TBCK: variants seen among roughly 807,000 people sequenced by gnomAD.
TBCK encodes the protein TBC1 domain containing kinase, also known as TBC domain-containing protein kinase-like protein.
TBCK carries 99 observed loss-of-function variants against 113.4 expected under a neutral mutation model. The observed-to-expected ratio is 0.87, with a 90% CI of 0.74 to 1.03. The LOEUF (loss-of-function observed/expected upper bound fraction) is 1.03. Among genes scored for constraint, TBCK ranks in the 50% least tolerant of loss-of-function variants. The probability of loss-of-function intolerance (pLI) is 0.00; values close to 1 mark genes in which losing one functional copy is unlikely to be tolerated. For synonymous variants in TBCK, 369 were observed against 370.8 expected, an observed-to-expected ratio of 1.00 and a Z score of 0.05; for missense variants, 1,045 against 1,061.3, an observed-to-expected ratio of 0.98 and a Z score of 0.21.
chr4:106,291,752 T>C (rs1199864450), intron 3 of TBCK, among the ~76,000 whole-genome samples: 8 of 152,196 alleles, frequency 5.3e-5, no homozygotes, highest in Admixed American at 4.6e-4. Flanking sequence ...GCTAAAGACA[T>C]CTGTCATGAA....
At chr4:106,091,451 G>C (rs1740222112) in intron 25 of TBCK, among the ~76,000 whole-genome samples, 1 of 152,182 alleles carries the variant, frequency 6.6e-6, no homozygotes, top group Non-Finnish European at 1.5e-5. Context: ...GGACCCTTGT[G>C]GTGAGTGTTA....
intron 2 of TBCK, 144 bp downstream of exon 2, chr4:106,308,624 C>G (rs1767800545): frequency 1.4e-6 from 1 of 727,826 alleles, no homozygotes; most frequent in African/African-American, 1.8e-5. Flanking sequence ...GAGAGAGAGG[C>G]AGGGTGGGGG....
intron 23 of TBCK, among the ~76,000 whole-genome samples, chr4:106,162,622 T>C (rs10027207): frequency 0.4 from 60,866 of 152,036 alleles, 12,475 homozygotes; most frequent in African/African-American, 0.47. Context: ...AACCTCGATT[T>C]TTGACTTCTA....
Position 106,154,313 on chromosome 4 carries a change from T to C in TBCK, c.2235+16782A>G, listed in dbSNP as rs76228931. Among the ~76,000 whole-genome samples, 205 of 152,294 alleles carry C rather than the reference T, an allele frequency of 1.3e-3. 6 individuals are homozygous for C. The East Asian group carries it at 0.034, about 25-fold the overall frequency. On this transcript the variant is annotated intron_variant, in intron 23 of 25. Transcript: ENST00000394708. ...GCTGATAATATTAACACTGTTTGCA[T>C]AGAACAAATGAACAAGCAAAAAGAA...
chr4:106,174,705 T>C lies in TBCK; in HGVS notation c.2060-3435A>G, dbSNP rs750029411. Among the ~76,000 whole-genome samples, 45 of 152,268 alleles carry C rather than the reference T, an allele frequency of 3.0e-4. 1 individual carries two copies. Among genetic ancestry groups the C allele is most frequent in the Middle Eastern group, 6.8e-3 (2 of 294 alleles). On this transcript the variant is annotated intron_variant, in intron 22 of 25. Transcript: ENST00000394708. ...AGAATCTTGAACTTCCTGAATTTAA[T>C]TTCTAATAATTTTGTCATTTTGTTC...
chr4:106,244,156 T>C (rs899400340), intron 11 of TBCK, among the ~76,000 whole-genome samples: 1 of 152,196 alleles, frequency 6.6e-6, no homozygotes, highest in Non-Finnish European at 1.5e-5. Context: ...TAGGCAGATT[T>C]TTTTGCAACA....
intron 23 of TBCK, among the ~76,000 whole-genome samples, chr4:106,157,310 G>A (rs992987562): frequency 6.6e-6 from 1 of 152,098 alleles, no homozygotes; most frequent in South Asian, 2.1e-4. Flanking sequence ...GCCTGGGTTT[G>A]GGGTAGGGGT....
chr4:106,311,741 A>G (rs537906109), intron 1 of TBCK, among the ~76,000 whole-genome samples: 1 of 152,212 alleles, frequency 6.6e-6, no homozygotes, highest in African/African-American at 2.4e-5. Flanking sequence ...TTATCTACAT[A>G]TGTGTGTGTT....
intron 23 of TBCK, among the ~76,000 whole-genome samples, chr4:106,125,891 G>C (rs1433887772): frequency 1.3e-5 from 2 of 152,142 alleles, no homozygotes; most frequent in Non-Finnish European, 2.9e-5. Context: ...TTTCAAAAGA[G>C]CTAGATTTGA....
At chr4:106,133,449 G>C (rs1207818531) in intron 23 of TBCK, among the ~76,000 whole-genome samples, 3 of 152,076 alleles carry the variant, frequency 2.0e-5, no homozygotes, top group Admixed American at 6.6e-5. Context: ...TTTATTAGTA[G>C]ATTGAGAACA....
At chr4:106,255,528 A>C (rs1761893442) in intron 5 of TBCK, among the ~76,000 whole-genome samples, 3 of 152,316 alleles carry the variant, frequency 2.0e-5, no homozygotes, top group African/African-American at 7.2e-5. Flanking sequence ...GTGCGTTGCA[A>C]GCAGCTTCCA....
chr4:106,056,275 T>C (rs1560586127), intron 25 of TBCK, among the ~76,000 whole-genome samples: 1 of 150,774 alleles, frequency 6.6e-6, no homozygotes, highest in Non-Finnish European at 1.5e-5. Flanking sequence ...TTAATTTTTT[T>C]TTTTTTTTTT....
At chr4:106,231,874 G>C (rs1422631309) in intron 17 of TBCK, 95 bp from the exon 18 acceptor site, 5 of 1,092,592 alleles carry the variant, frequency 4.6e-6, no homozygotes, top group Admixed American at 2.3e-5. Flanking sequence ...TTACCTCCAA[G>C]TAGATTAAAC....
At chr4:106,235,987 C>T (rs1759415514) in intron 14 of TBCK, among the ~76,000 whole-genome samples, 1 of 151,964 alleles carries the variant, frequency 6.6e-6, no homozygotes, top group Non-Finnish European at 1.5e-5. Context: ...TTTGCTAATG[C>T]AGTATGGAAA....
intron 23 of TBCK, among the ~76,000 whole-genome samples, chr4:106,148,491 A>T (rs1748097689): frequency 6.6e-6 from 1 of 152,168 alleles, no homozygotes; most frequent in African/African-American, 2.4e-5. Context: ...AGGTTCCCCA[A>T]TATATTATGT....
intron 5 of TBCK, among the ~76,000 whole-genome samples, chr4:106,254,296 C>T (rs1199335192): frequency 6.6e-6 from 1 of 152,212 alleles, no homozygotes; most frequent in Non-Finnish European, 1.5e-5. Context: ...GTTAGGCATC[C>T]ATGGGGACAT....
chr4:106,232,860 T>C, intron 17 of TBCK, 78 bp downstream of exon 17: 1 of 1,381,182 alleles, frequency 7.2e-7, no homozygotes, highest in Non-Finnish European at 9.9e-7. Flanking sequence ...GATGTTTAGA[T>C]ATTTTAATTT....
Position 106,097,306 on chromosome 4 carries a change from A to G in TBCK, c.2412-1665T>C, listed in dbSNP as rs150673688. On this transcript the variant is annotated intron_variant, in intron 24 of 25. Coordinates refer to ENST00000394708, the MANE Select transcript of TBCK (RefSeq NM_001163435.3). ...AAGGCACAAAAGAAACAGAGTTTTA[A>G]ACCACACTTTCCTTATTCTTAATCT... Among the ~76,000 whole-genome samples, 251 of 152,308 alleles carry G rather than the reference A, an allele frequency of 1.6e-3. 6 individuals carry two copies. Among genetic ancestry groups the G allele is most frequent in the East Asian group, 6.0e-3 (31 of 5,184 alleles).
At chr4:106,118,682 G>A (rs1032539964) in intron 23 of TBCK, among the ~76,000 whole-genome samples, 2 of 152,156 alleles carry the variant, frequency 1.3e-5, no homozygotes, top group Non-Finnish European at 2.9e-5. Flanking sequence ...GATGAATGCG[G>A]CATTTCAAAC....
Sources: allele counts gnomAD v4.1 joint callset (sites outside exome capture counted in the v4.1 genomes callset), GRCh38; gene constraint gnomAD v4.1.1; transcripts MANE v1.5; gene names NCBI Gene and HGNC (gene_info 2026-07-23, HGNC 2026-07-21).